Variants in GALNT7 observed in about 807,000 individuals in gnomAD.
The protein encoded by GALNT7 is N-acetylgalactosaminyltransferase 7.
In GALNT7, 60 loss-of-function variants were observed where a neutral mutation model predicts 82.1. The observed-to-expected ratio is 0.73, with a 90% CI of 0.59 to 0.91. The LOEUF is 0.91. GALNT7 is among the 40% of genes least tolerant of loss of function. The pLI is 0.00. For missense variants in GALNT7, 660 were observed against 804.2 expected, an observed-to-expected ratio of 0.82 and a Z score of 2.17; for synonymous variants, 243 against 275.1, an observed-to-expected ratio of 0.88 and a Z score of 1.15.
intron 11 of GALNT7, 172 bp downstream of exon 11, chr4:173,318,731 A>G (rs1364602120): frequency 2.6e-5 from 13 of 499,622 alleles, no homozygotes; most frequent in South Asian, 4.9e-5. Context: ...TCATTGTTCT[A>G]TAATGAGGCA....
intron 1 of GALNT7, among the ~76,000 whole-genome samples, chr4:173,187,308 T>C (rs13102038): frequency 0.23 from 35,449 of 151,606 alleles, 4,568 homozygotes; most frequent in African/African-American, 0.35. Flanking sequence ...GTTGTTAGGA[T>C]ATGTATAGAT....
intron 1 of GALNT7, among the ~76,000 whole-genome samples, chr4:173,228,549 A>C (rs1733916059): frequency 6.6e-6 from 1 of 152,088 alleles, no homozygotes; most frequent in African/African-American, 2.4e-5. Context: ...TACAGGCTGC[A>C]GTGAGCATTT....
chr4:173,254,741 A>G (rs551758458), intron 2 of GALNT7, among the ~76,000 whole-genome samples: 1 of 152,180 alleles, frequency 6.6e-6, no homozygotes, highest in Non-Finnish European at 1.5e-5. Context: ...CCCAAAACAT[A>G]TTTTATTTTT....
At chr4:173,206,556 G>C (rs28366929) in intron 1 of GALNT7, among the ~76,000 whole-genome samples, 3,611 of 152,312 alleles carry the variant, frequency 0.024, 113 homozygotes, top group African/African-American at 0.071. Context: ...ATTTAGTAGA[G>C]CCAAGGTTCA....
At chr4:173,293,134 C>G (rs1360452977) in intron 3 of GALNT7, among the ~76,000 whole-genome samples, 8 of 152,048 alleles carry the variant, frequency 5.3e-5, no homozygotes, top group Non-Finnish European at 1.0e-4. Flanking sequence ...TTAAGAACCT[C>G]TATATTATTA....
chr4:173,183,309 A>G (rs1396187982), intron 1 of GALNT7, among the ~76,000 whole-genome samples: 1 of 150,878 alleles, frequency 6.6e-6, no homozygotes, highest in Non-Finnish European at 1.5e-5. Flanking sequence ...AGCTGCATTA[A>G]TAGGCTGTTA....
At chr4:173,304,275 T>C (rs139174393) in intron 8 of GALNT7, among the ~76,000 whole-genome samples, 157 bp downstream of exon 8, 13 of 152,238 alleles carry the variant, frequency 8.5e-5, no homozygotes, top group Non-Finnish European at 1.3e-4. Flanking sequence ...CGAAATATCT[T>C]ATTGTTCTTT....
chr4:173,297,769 T>G, intron 5 of GALNT7: 1 of 1,268,902 alleles, frequency 7.9e-7, no homozygotes, highest in Non-Finnish European at 1.0e-6. Context: ...TCTTAAATGC[T>G]TTTTCATTTT....
At chr4:173,258,669 A>G (rs1735132536) in intron 2 of GALNT7, among the ~76,000 whole-genome samples, 1 of 152,134 alleles carries the variant, frequency 6.6e-6, no homozygotes, top group African/African-American at 2.4e-5. Context: ...CAATTTCACT[A>G]TATTTTTGGA....
At chr4:173,264,024 G>C (rs1416156420) in intron 2 of GALNT7, among the ~76,000 whole-genome samples, 2 of 152,126 alleles carry the variant, frequency 1.3e-5, no homozygotes, top group South Asian at 2.1e-4. Context: ...TTATCAATAA[G>C]TAGTGATATA....
At chr4:173,288,303 A>AAAAAAAAAAAAAAT (rs1736412268) in intron 2 of GALNT7, among the ~76,000 whole-genome samples, 1 of 149,632 alleles carries the variant, frequency 6.7e-6, no homozygotes, top group African/African-American at 2.5e-5. Flanking sequence ...AAAAAAAAAA[A>AAAAAAAAAAAAAAT]AAGAAAAGAA....
At chr4:173,232,795 A>G (rs77726854) in intron 1 of GALNT7, among the ~76,000 whole-genome samples, 3 of 152,016 alleles carry the variant, frequency 2.0e-5, no homozygotes, top group African/African-American at 4.8e-5. Context: ...TGTACAATAA[A>G]TTGTTGTTCC....
At chr4:173,214,312 G>A (rs989379638) in intron 1 of GALNT7, among the ~76,000 whole-genome samples, 3 of 151,054 alleles carry the variant, frequency 2.0e-5, no homozygotes, top group Admixed American at 2.0e-4. Context: ...ACCCTTAAGA[G>A]ACCACATTGT....
chr4:173,256,589 GTCTT>G (rs747555250), intron 2 of GALNT7, among the ~76,000 whole-genome samples: 75 of 132,378 alleles, frequency 5.7e-4, no homozygotes, highest in African/African-American at 1.9e-3. Context: ...TTTTTCTGAA[GTCTT>G]TCTTTCTTTC....
At chr4:173,269,761 C>A (rs1486170752) in intron 2 of GALNT7, among the ~76,000 whole-genome samples, 1 of 152,128 alleles carries the variant, frequency 6.6e-6, no homozygotes, top group East Asian at 1.9e-4. Context: ...AATTTAAATT[C>A]TTTCCAAGTA....
chr4:173,274,887 A>G (rs746617752), intron 2 of GALNT7, among the ~76,000 whole-genome samples: 1 of 152,138 alleles, frequency 6.6e-6, no homozygotes, highest in African/African-American at 2.4e-5. Flanking sequence ...TGGATTCCTC[A>G]TGGATGCTCA....
chr4:173,172,582 C>T (rs891026149), intron 1 of GALNT7, among the ~76,000 whole-genome samples: 11 of 152,104 alleles, frequency 7.2e-5, no homozygotes, highest in Admixed American at 1.3e-4. Context: ...ACCTGATGGC[C>T]GCCTGACATT....
chr4:173,202,122 A>G (rs1222709501), intron 1 of GALNT7, among the ~76,000 whole-genome samples: 2 of 152,316 alleles, frequency 1.3e-5, no homozygotes, highest in East Asian at 3.9e-4. Flanking sequence ...TTGATATTGT[A>G]TAATATAAAT....
At position 173,313,943 on chromosome 4, in the gene GALNT7, A is replaced by G; in HGVS notation, c.1390-15A>G. ...TTTTTATAACGATATATATATATAT[A>G]TTTTTTTTTTACAGAATTATGTTAG... On this transcript the variant is annotated splice_polypyrimidine_tract_variant and intron_variant, in intron 8 of 11. Transcript: ENST00000265000. 1.1e-6 allele frequency: 1 copy of G among 899,802 alleles called. No homozygotes were observed. The highest frequency in any genetic ancestry group is 1.7e-6 in the Non-Finnish European group (1 of 605,850). 55.7% of individuals were successfully genotyped at this position (899,802 alleles called of 1,614,324 possible).
Sources: allele counts gnomAD v4.1 joint callset (sites outside exome capture counted in the v4.1 genomes callset), GRCh38; gene constraint gnomAD v4.1.1; transcripts MANE v1.5; gene names NCBI Gene and HGNC (gene_info 2026-07-23, HGNC 2026-07-21).